C5orf34: variants seen among roughly 807,000 people sequenced by gnomAD.
The protein encoded by C5orf34 is chromosome 5 open reading frame 34.
C5orf34 carries 73 observed loss-of-function variants against 78.4 expected under a neutral mutation model. The observed-to-expected ratio is 0.93, with a 90% CI of 0.77 to 1.13. The LOEUF (loss-of-function observed/expected upper bound fraction) is 1.13, where lower values mean the gene tolerates loss of function less well. Ranked by LOEUF, C5orf34 falls within the 50% of genes most tolerant of loss-of-function variation. C5orf34 has a pLI of 0.00. For synonymous variants in C5orf34, 251 were observed against 246.6 expected, an observed-to-expected ratio of 1.02 and a Z score of -0.17; for missense variants, 730 against 732.7, an observed-to-expected ratio of 1.00 and a Z score of 0.04.
rs1262813983 is a variant in C5orf34, at chr5:43,511,115, C to T, written c.-36-1740G>A. ...GCGACCCCATCTGGGAGATGAGGAG[C>T]GTCTCTGCCCGGCCGCCCCATCTGA... On this transcript the variant is annotated intron_variant, in intron 1 of 12. Transcript: ENST00000306862. 9 of 174,766 alleles carry T rather than the reference C, an allele frequency of 5.1e-5. No individual in the cohort carries two copies. In the East Asian group the frequency reaches 1.1e-3, roughly 21 times the overall value. The allele number at this position is 174,766 out of a possible 1,614,324, so 10.8% of individuals were successfully genotyped here.
chr5:43,492,385 T>A, intron 9 of C5orf34, 76 bp from the exon 10 acceptor site: 3 of 921,482 alleles, frequency 3.3e-6, no homozygotes, highest in Non-Finnish European at 5.1e-6. Context: ...CTAACTTCAT[T>A]AACTTAAAGA....
In C5orf34 at chr5:43,492,215, C is replaced by T; in HGVS notation, c.1580G>A (p.Arg527Lys). ...AATTTTTAAAATTGCTTTTCAGTACCTTTCATATGGTTCAGGGTGTTCAAT... is the reference window on the plus strand; with the variant it reads ...AATTTTTAAAATTGCTTTTCAGTACTTTTCATATGGTTCAGGGTGTTCAAT... ...IQIEHPEPYERYVTTVTSWCR... is the reference protein window; with the variant it reads ...IQIEHPEPYEKYVTTVTSWCR... The change falls in exon 10 of 13, where the codon AGA becomes AAA. Residue 527 changes from arginine to lysine, a missense_variant and splice_region_variant. Arg to Lys is a conservative substitution (Grantham distance 26, BLOSUM62 2). Coordinates refer to ENST00000306862, the MANE Select transcript of C5orf34 (RefSeq NM_198566.4). The T allele has an allele frequency of 2.5e-6, 4 of 1,593,408 alleles. No homozygotes were observed. Among genetic ancestry groups the T allele is most frequent in the Non-Finnish European group, 3.4e-6 (4 of 1,170,970 alleles).
chr5:43,492,385 T>C, intron 9 of C5orf34, 76 bp from the exon 10 acceptor site: 2 of 921,482 alleles, frequency 2.2e-6, no homozygotes, highest in South Asian at 3.1e-5. Context: ...CTAACTTCAT[T>C]AACTTAAAGA....
chr5:43,509,000 G>C, intron 2 of C5orf34, 145 bp downstream of exon 2: 2 of 647,928 alleles, frequency 3.1e-6, no homozygotes, highest in Non-Finnish European at 5.3e-6. Flanking sequence ...CTTGTAAAAG[G>C]AGGCTGAGGC....
chr5:43,505,207 A>G (rs976734288), intron 4 of C5orf34, among the ~76,000 whole-genome samples: 5 of 152,280 alleles, frequency 3.3e-5, no homozygotes, highest in African/African-American at 1.2e-4. Context: ...TTTTATACTT[A>G]GCCTTACAGA....
At position 43,492,721 on chromosome 5, in the gene C5orf34, T is replaced by TCA; in HGVS notation, c.1483_1484insTG (p.Gln495LeufsTer3). 1 of 1,610,430 alleles carries TCA rather than the reference T, an allele frequency of 6.2e-7. No individual in the cohort carries two copies. Among genetic ancestry groups the TCA allele is most frequent in the Non-Finnish European group, 8.5e-7 (1 of 1,178,052 alleles). On this transcript the variant is annotated frameshift_variant and splice_region_variant, in exon 9 of 13. Coordinates refer to ENST00000306862, the MANE Select transcript of C5orf34 (RefSeq NM_198566.4). LOFTEE classifies it high-confidence loss of function. The stretch of plus-strand genomic sequence containing the variant: ...GATCTAAGTCTGAAGTATACCCACC[T>TCA]GTCTCTTCTCAATAGGAGAGCTGAA...
intron 1 of C5orf34, among the ~76,000 whole-genome samples, chr5:43,510,489 T>G (rs1459439047): frequency 6.6e-6 from 1 of 152,224 alleles, no homozygotes; most frequent in Non-Finnish European, 1.5e-5. Context: ...CTCTGATGCC[T>G]AGCGGAAGCT....
chr5:43,512,322 T>C (rs1476594499), intron 1 of C5orf34, among the ~76,000 whole-genome samples: 1 of 152,316 alleles, frequency 6.6e-6, no homozygotes, highest in East Asian at 1.9e-4. Flanking sequence ...AAAATAACGT[T>C]CTATAGAAAA....
At chr5:43,505,529 G>C in intron 4 of C5orf34, 1 of 480,762 alleles carries the variant, frequency 2.1e-6, no homozygotes, top group Non-Finnish European at 3.6e-6. Flanking sequence ...ACTTAGCACA[G>C]TATCTAGTGT....
In C5orf34 at chr5:43,506,366, C is replaced by T. The variant is rs777800517; in HGVS notation, c.314G>A (p.Arg105Lys). 1.6e-5 allele frequency: 25 copies of T among 1,609,756 alleles called. No individual in the cohort carries two copies. Among genetic ancestry groups the T allele is most frequent in the Non-Finnish European group, 1.8e-5 (21 of 1,177,846 alleles). The change falls in exon 4 of 13, where the codon AGA becomes AAA. Residue 105 changes from arginine to lysine, a missense_variant. Physicochemically the swap from Arg to Lys is conservative, Grantham distance 26. Transcript: ENST00000306862. Reference sequence around the variant, plus strand: ...ACCATCTGTATCAAGACTGGGCCATCTCACTTCTGTTATGTCAATGAAGAT... The same window carrying T: ...ACCATCTGTATCAAGACTGGGCCATTTCACTTCTGTTATGTCAATGAAGAT... The part of the protein sequence containing the change: ...KHIFIDITEV[R>K]WPSLDTDGTM...
chr5:43,486,979 G>T lies in C5orf34; in HGVS notation c.1853C>A (p.Ala618Glu), dbSNP rs2112256507. The T allele has an allele frequency of 1.9e-6, 3 of 1,576,026 alleles. No homozygotes were observed. The East Asian group carries it at 7.0e-5, about 37-fold the overall frequency. The change falls in exon 13 of 13, where the codon GCA becomes GAA. Residue 618 changes from alanine to glutamate, a missense_variant. By Grantham distance (107) the Ala-to-Glu change is moderately radical. Coordinates refer to ENST00000306862, the MANE Select transcript of C5orf34 (RefSeq NM_198566.4). ...GEVNENRVSI[A>E]LKKTSEILHD... ...AAGGATTTCAGAGGTTTTTTTCAAT[G>T]CTATTGATACTCTATTTTCATTAAC...
In C5orf34 at chr5:43,495,903, C is replaced by A. The variant is rs1294994221; in HGVS notation, c.1153-1302G>T. 4.4e-6 allele frequency: 7 copies of A among 1,592,988 alleles called. No individual in the cohort carries two copies. In the South Asian group the frequency reaches 7.7e-5, roughly 18 times the overall value. On this transcript the variant is annotated intron_variant, in intron 6 of 12. Coordinates refer to ENST00000306862, the MANE Select transcript of C5orf34 (RefSeq NM_198566.4). ...GAAATTGGCACAAATGCTACTGTGT[C>A]AGGGTTGTAACCAATTTTCTTAATG...
chr5:43,496,230 G>A, intron 6 of C5orf34: 2 of 1,575,394 alleles, frequency 1.3e-6, no homozygotes, highest in Non-Finnish European at 1.7e-6. Context: ...TCCACAAGGA[G>A]ATATCAATGG....
At chr5:43,494,014 T>C (rs867594895) in intron 7 of C5orf34, among the ~76,000 whole-genome samples, 1 of 152,182 alleles carries the variant, frequency 6.6e-6, no homozygotes, top group Admixed American at 6.5e-5. Context: ...AAATTGCTTG[T>C]ACATAAATTT....
chr5:43,514,255 T>C (rs1554038038), intron 1 of C5orf34: 1 of 152,248 alleles, frequency 6.6e-6, no homozygotes, highest in Non-Finnish European at 1.5e-5. Context: ...CCATCTCTAG[T>C]ATTGATGACA....
chr5:43,499,770 C>T (rs1041800669), intron 6 of C5orf34, among the ~76,000 whole-genome samples: 1 of 152,170 alleles, frequency 6.6e-6, no homozygotes, highest in Non-Finnish European at 1.5e-5. Context: ...TGAGATCTTC[C>T]AGAATCTATT....
intron 1 of C5orf34, among the ~76,000 whole-genome samples, 154 bp from the exon 2 acceptor site, chr5:43,509,529 C>T (rs552365509): frequency 6.6e-6 from 1 of 152,002 alleles, no homozygotes; most frequent in Admixed American, 6.5e-5. Flanking sequence ...CTGAAATGAA[C>T]ATCCTTAACA....
At chr5:43,512,602 T>G (rs1360582567) in intron 1 of C5orf34, among the ~76,000 whole-genome samples, 1 of 152,162 alleles carries the variant, frequency 6.6e-6, no homozygotes, top group Admixed American at 6.5e-5. Context: ...CCCCTAACAT[T>G]GGGCTGCCAC....
chr5:43,490,040 C>A (rs10036954), intron 11 of C5orf34, among the ~76,000 whole-genome samples: 63,104 of 151,934 alleles, frequency 0.42, 15,751 homozygotes, highest in East Asian at 0.91. Flanking sequence ...TAAAAACTAT[C>A]TTCTATCTCC....
Sources: gnomAD v4.1 joint callset for allele counts (sites outside exome capture counted in the v4.1 genomes callset) on GRCh38, gnomAD v4.1.1 for gene constraint, MANE v1.5 for transcripts, NCBI Gene and HGNC (gene_info 2026-07-23, HGNC 2026-07-21) for gene names.